Variants in CTNNA2 observed in about 807,000 individuals in gnomAD.
CTNNA2 encodes the protein catenin alpha-2.
CTNNA2 carries 42 observed loss-of-function variants against 101.0 expected under a neutral mutation model. The ratio of observed to expected loss-of-function variants is 0.42; its 90% CI spans 0.32 to 0.54. The LOEUF is 0.54. CTNNA2 is among the 20% of genes least tolerant of loss of function. The pLI, the probability that CTNNA2 is intolerant of heterozygous loss-of-function variation, is 0.14. For synonymous variants in CTNNA2, 450 were observed against 456.4 expected, an observed-to-expected ratio of 0.99 and a Z score of 0.18; for missense variants, 871 against 1,223.1, an observed-to-expected ratio of 0.71 and a Z score of 4.29.
chr2:79,416,443 G>C (rs915388309), intron 4 of CTNNA2, among the ~76,000 whole-genome samples: 2 of 151,758 alleles, frequency 1.3e-5, no homozygotes, highest in African/African-American at 4.8e-5. Context: ...AATTTAACAT[G>C]TTAACGTCTC....
At chr2:79,786,869 G>C (rs6733238) in intron 3 of CTNNA2, among the ~76,000 whole-genome samples, 27,103 of 151,818 alleles carry the variant, frequency 0.18, 4,256 homozygotes, top group African/African-American at 0.41. Context: ...CCTCTGAACT[G>C]TTTATCGATC....
At chr2:79,213,071 A>G (rs1674197303) in intron 2 of CTNNA2, among the ~76,000 whole-genome samples, 1 of 152,178 alleles carries the variant, frequency 6.6e-6, no homozygotes, top group South Asian at 2.1e-4. Context: ...TTGGTCTAAG[A>G]ACCATTTGCC....
chr2:80,268,074 G>C (rs189973778), intron 7 of CTNNA2, among the ~76,000 whole-genome samples: 1 of 152,364 alleles, frequency 6.6e-6, no homozygotes, highest in Admixed American at 6.5e-5. Context: ...TAAGCCCACA[G>C]AGTTCAGCTC....
intron 1 of CTNNA2, among the ~76,000 whole-genome samples, chr2:79,571,334 A>G (rs556861161): frequency 6.6e-6 from 1 of 152,278 alleles, no homozygotes; most frequent in Admixed American, 6.5e-5. Flanking sequence ...TAATTTCAGA[A>G]CAGGAAAGGG....
intron 15 of CTNNA2, 128 bp from the exon 16 acceptor site, chr2:80,603,946 C>A: frequency 1.6e-6 from 1 of 636,492 alleles, no homozygotes; most frequent in Non-Finnish European, 2.6e-6. Context: ...GGAAAATATT[C>A]AAAATTCGAC....
At chr2:79,958,688 C>T (rs182008539) in intron 7 of CTNNA2, among the ~76,000 whole-genome samples, 267 of 152,254 alleles carry the variant, frequency 1.8e-3, no homozygotes, top group Admixed American at 3.2e-3. Context: ...TAAGATAATA[C>T]ATTTGAGTCG....
intron 7 of CTNNA2, among the ~76,000 whole-genome samples, chr2:80,141,765 A>G (rs1703024587): frequency 6.6e-6 from 1 of 152,250 alleles, no homozygotes; most frequent in Non-Finnish European, 1.5e-5. Flanking sequence ...TAAGTGAGCA[A>G]CTTGTCAAGC....
chr2:80,006,374 A>G (rs1427660535), intron 7 of CTNNA2, among the ~76,000 whole-genome samples: 3 of 149,958 alleles, frequency 2.0e-5, no homozygotes, highest in Admixed American at 1.3e-4. Flanking sequence ...AAAAAAAAAA[A>G]GAAAAAACAA....
intron 9 of CTNNA2, among the ~76,000 whole-genome samples, chr2:80,494,300 C>A (rs961344804): frequency 1.3e-5 from 2 of 152,154 alleles, no homozygotes; most frequent in African/African-American, 4.8e-5. Flanking sequence ...AAGGCAAAGT[C>A]ACTGGACAGG....
chr2:79,910,311 G>A (rs541768571), intron 7 of CTNNA2, among the ~76,000 whole-genome samples: 4 of 152,296 alleles, frequency 2.6e-5, no homozygotes, highest in African/African-American at 9.6e-5. Context: ...TTGATTCATA[G>A]TCAGGAATTG....
chr2:80,082,344 C>T (rs973183561), intron 7 of CTNNA2, among the ~76,000 whole-genome samples: 3 of 152,076 alleles, frequency 2.0e-5, no homozygotes, highest in African/African-American at 4.8e-5. Context: ...ATCCCCAGTA[C>T]CTAGCAGAAT....
At chr2:80,181,106 A>G (rs1196970955) in intron 7 of CTNNA2, among the ~76,000 whole-genome samples, 2 of 152,056 alleles carry the variant, frequency 1.3e-5, no homozygotes, top group African/African-American at 4.8e-5. Context: ...CATGGGTTAC[A>G]CTCTCAACCT....
chr2:80,095,527 T>C (rs1366809154), intron 7 of CTNNA2, among the ~76,000 whole-genome samples: 2 of 152,228 alleles, frequency 1.3e-5, no homozygotes, highest in Non-Finnish European at 2.9e-5. Context: ...TCAAATGAGT[T>C]AGGGAGGATT....
At chr2:80,305,364 G>T in intron 7 of CTNNA2, 2 of 985,276 alleles carry the variant, frequency 2.0e-6, no homozygotes, top group Non-Finnish European at 2.4e-6. Context: ...GATCCCTCCG[G>T]GGCTTCATCA....
intron 2 of CTNNA2, among the ~76,000 whole-genome samples, chr2:79,219,277 A>G (rs970705960): frequency 1.3e-5 from 2 of 152,194 alleles, no homozygotes; most frequent in East Asian, 1.9e-4. Context: ...TATAGAAAGA[A>G]TCAGAATCAG....
intron 7 of CTNNA2, among the ~76,000 whole-genome samples, chr2:80,319,084 G>A (rs1171706682): frequency 6.6e-6 from 1 of 152,126 alleles, no homozygotes; most frequent in Non-Finnish European, 1.5e-5. Flanking sequence ...GCCTGGCCTG[G>A]TTGCAACTCT....
intron 9 of CTNNA2, among the ~76,000 whole-genome samples, chr2:80,487,670 A>C (rs1470455534): frequency 6.6e-6 from 1 of 152,198 alleles, no homozygotes; most frequent in Non-Finnish European, 1.5e-5. Flanking sequence ...GTTCAAGGTG[A>C]GATTTCAGTG....
intron 2 of CTNNA2, among the ~76,000 whole-genome samples, chr2:79,297,940 T>C (rs1460301366): frequency 6.6e-6 from 1 of 152,212 alleles, no homozygotes; most frequent in Admixed American, 6.5e-5. Context: ...ATCTGTAAAA[T>C]CTGTTTTAAA....
At chr2:79,616,227 A>G (rs901432313) in intron 1 of CTNNA2, among the ~76,000 whole-genome samples, 4 of 152,198 alleles carry the variant, frequency 2.6e-5, no homozygotes, top group African/African-American at 7.2e-5. Context: ...TATCTTTGGC[A>G]TATTGCTAGA....
Sources: allele counts gnomAD v4.1 joint callset (sites outside exome capture counted in the v4.1 genomes callset), GRCh38; gene constraint gnomAD v4.1.1; transcripts MANE v1.5; gene names NCBI Gene and HGNC (gene_info 2026-07-23, HGNC 2026-07-21).